The following SCML4 variants were observed in gnomAD, a reference collection of about 807,000 sequenced individuals.
SCML4 encodes Scm polycomb group protein like 4, also known as sex comb on midleg-like protein 4.
Under a neutral mutation model 41.1 loss-of-function variants are expected in SCML4, and 34 were observed. The ratio of observed to expected loss-of-function variants is 0.83; its 90% confidence interval spans 0.63 to 1.10. SCML4 has a LOEUF of 1.10. Among genes scored for constraint, SCML4 ranks in the 50% least tolerant of loss-of-function variants. The pLI, the probability that SCML4 is intolerant of heterozygous loss-of-function variation, is 0.00. For missense variants in SCML4, 522 were observed against 534.1 expected (o/e 0.98, Z 0.22); for synonymous variants, 214 against 220.9 (o/e 0.97, Z 0.28).
the SCML4 span, among the ~76,000 whole-genome samples, chr6:107,841,382 G>A: frequency 6.6e-6 from 1 of 152,216 alleles, no homozygotes; most frequent in East Asian, 1.9e-4. Flanking sequence ...GTTTCAAGTT[G>A]TAAATCGGCC....
chr6:107,809,805 C>T (rs758793016), intron 1 of SCML4, among the ~76,000 whole-genome samples: 17 of 152,158 alleles, frequency 1.1e-4, no homozygotes, highest in African/African-American at 3.9e-4. Context: ...GTAGCCTAGT[C>T]GAGGAAGCCC....
At chr6:107,801,945 G>A (rs377355518) in intron 1 of SCML4, among the ~76,000 whole-genome samples, 1 of 139,062 alleles carries the variant, frequency 7.2e-6, no homozygotes, top group African/African-American at 2.9e-5. Flanking sequence ...TTTTTTTTTT[G>A]TATTTTTAGT....
intron 5 of SCML4, chr6:107,739,974 T>C (rs535743223): frequency 2.7e-6 from 1 of 373,644 alleles, no homozygotes; most frequent in African/African-American, 2.1e-5. Context: ...TCAGCTCTGC[T>C]GAGAAATCAG....
chr6:107,792,066 A>G (rs968781000), intron 1 of SCML4, among the ~76,000 whole-genome samples: 1 of 152,244 alleles, frequency 6.6e-6, no homozygotes, highest in African/African-American at 2.4e-5. Context: ...GAGGACTGCT[A>G]TAATCATGGG....
At chr6:107,799,412 CT>C in intron 1 of SCML4, among the ~76,000 whole-genome samples, 1 of 152,212 alleles carries the variant, frequency 6.6e-6, no homozygotes, top group Non-Finnish European at 1.5e-5. Flanking sequence ...TGCACAGTAT[CT>C]TTTATTGATC....
intron 5 of SCML4, among the ~76,000 whole-genome samples, chr6:107,739,324 C>G (rs1777371577): frequency 6.6e-6 from 1 of 152,068 alleles, no homozygotes; most frequent in South Asian, 2.1e-4. Flanking sequence ...AGCCACCTGA[C>G]CTGCTGTCAT....
chr6:107,752,280 A>C (rs1354825715), intron 2 of SCML4, among the ~76,000 whole-genome samples: 1 of 151,936 alleles, frequency 6.6e-6, no homozygotes, highest in Admixed American at 6.6e-5. Context: ...AGTTTTGGAC[A>C]TGTCGAGTTT....
the SCML4 span, among the ~76,000 whole-genome samples, chr6:107,840,882 G>C: frequency 6.6e-6 from 1 of 152,164 alleles, no homozygotes; most frequent in Non-Finnish European, 1.5e-5. Flanking sequence ...CATCTACCAT[G>C]CATAGCAGAG....
intron 5 of SCML4, among the ~76,000 whole-genome samples, chr6:107,744,531 A>T (rs928574565): frequency 5.9e-5 from 9 of 151,858 alleles, no homozygotes; most frequent in Non-Finnish European, 1.2e-4. Context: ...GACCAACATC[A>T]TCAGTTCTAT....
At chr6:107,768,708 C>T (rs1448170491) in intron 2 of SCML4, among the ~76,000 whole-genome samples, 4 of 152,104 alleles carry the variant, frequency 2.6e-5, no homozygotes, top group Admixed American at 1.3e-4. Flanking sequence ...TGCTTCCACC[C>T]GGAGCCTCAA....
intron 5 of SCML4, among the ~76,000 whole-genome samples, chr6:107,736,135 C>T (rs1159679503): frequency 6.6e-6 from 1 of 152,154 alleles, no homozygotes; most frequent in Admixed American, 6.5e-5. Flanking sequence ...CCCGATGTAG[C>T]CAGAACACAA....
chr6:107,727,034 G>C (rs1776052885), intron 5 of SCML4, among the ~76,000 whole-genome samples: 1 of 152,162 alleles, frequency 6.6e-6, no homozygotes, highest in Non-Finnish European at 1.5e-5. Context: ...TAAAATTTAA[G>C]AATCTGTTAT....
chr6:107,776,965 G>GTA (rs2114582640), intron 1 of SCML4, among the ~76,000 whole-genome samples: 1 of 152,250 alleles, frequency 6.6e-6, no homozygotes, highest in Non-Finnish European at 1.5e-5. Flanking sequence ...TATATTTTAT[G>GTA]TATATAGATA....
chr6:107,772,658 A>G (rs1780614966), intron 1 of SCML4, among the ~76,000 whole-genome samples: 1 of 152,232 alleles, frequency 6.6e-6, no homozygotes, highest in African/African-American at 2.4e-5. Flanking sequence ...ATAGTTTCCC[A>G]GCTCCAAACA....
At chr6:107,707,322 A>G (rs1460742845) in intron 7 of SCML4, among the ~76,000 whole-genome samples, 1 of 152,092 alleles carries the variant, frequency 6.6e-6, no homozygotes, top group East Asian at 1.9e-4. Flanking sequence ...AAAAACAAAC[A>G]AAAACAAAAT....
intron 5 of SCML4, among the ~76,000 whole-genome samples, chr6:107,731,689 G>A (rs371992688): frequency 1.4e-4 from 21 of 152,322 alleles, no homozygotes; most frequent in East Asian, 1.2e-3. Context: ...TGTGGCCTCC[G>A]TGTGTGAACA....
intron 1 of SCML4, among the ~76,000 whole-genome samples, chr6:107,789,107 C>G (rs987238049): frequency 6.6e-6 from 1 of 152,158 alleles, no homozygotes; most frequent in Non-Finnish European, 1.5e-5. Context: ...TCTTACACAG[C>G]CTGTTGGTTC....
At chr6:107,813,421 TATAAAA>T (rs1439309758) in intron 1 of SCML4, among the ~76,000 whole-genome samples, 126 of 11,316 alleles carry the variant, frequency 0.011, 3 homozygotes, top group Middle Eastern at 0.071. Context: ...TATATATATA[TATAAAA>T]CTGTAAAATT....
intron 1 of SCML4, among the ~76,000 whole-genome samples, chr6:107,795,153 T>A (rs1583604273): frequency 2.6e-5 from 4 of 152,322 alleles, no homozygotes; most frequent in Admixed American, 2.6e-4. Flanking sequence ...ACCTTTCAAT[T>A]GGGGAAAATG....
Sources: allele counts gnomAD v4.1 joint callset (sites outside exome capture counted in the v4.1 genomes callset), GRCh38; gene constraint gnomAD v4.1.1; transcripts MANE v1.5; gene names NCBI Gene and HGNC (gene_info 2026-07-23, HGNC 2026-07-21).